Variants in TMTC2 observed in about 807,000 individuals in gnomAD.
TMTC2 encodes transmembrane O-mannosyltransferase targeting cadherins 2.
TMTC2 carries 43 observed loss-of-function variants against 82.4 expected under a neutral mutation model. The ratio of observed to expected loss-of-function variants is 0.52; its 90% CI spans 0.41 to 0.67. The LOEUF is 0.67. Among genes scored for constraint, TMTC2 ranks in the 30% least tolerant of loss-of-function variants. The pLI is 0.00. For missense variants in TMTC2, 919 were observed against 1,012.4 expected (o/e 0.91, Z 1.25); for synonymous variants, 408 against 381.9 (o/e 1.07, Z -0.80).
At position 83,095,272 on chromosome 12, in the gene TMTC2, G is replaced by T. The variant is rs143282895; in HGVS notation, c.2331+33441G>T. Among the ~76,000 whole-genome samples the T allele has an allele frequency of 1.1e-4, 17 of 148,346 alleles. No homozygotes were observed. In the East Asian group the frequency reaches 3.2e-3, roughly 28 times the overall value. Reference sequence around the variant, plus strand: ...TTTTGTTTTTTTGAGATGGAGTCTCGCTTTGTCGCCCAGGCTGGAGTGCAG... The same window carrying T: ...TTTTGTTTTTTTGAGATGGAGTCTCTCTTTGTCGCCCAGGCTGGAGTGCAG... On this transcript the variant is annotated intron_variant, in intron 11 of 11. Transcript: ENST00000321196.
intron 1 of TMTC2, among the ~76,000 whole-genome samples, chr12:82,843,460 T>G (rs185269694): frequency 1.3e-4 from 20 of 152,172 alleles, no homozygotes; most frequent in Non-Finnish European, 2.6e-4. Flanking sequence ...AAGAAGATCA[T>G]GAACCTGAGT....
chr12:82,858,700 G>T (rs1814617041), intron 2 of TMTC2, among the ~76,000 whole-genome samples: 1 of 148,384 alleles, frequency 6.7e-6, no homozygotes, highest in African/African-American at 2.5e-5. Flanking sequence ...CTTTTTCTCT[G>T]CTGGAAACCT....
intron 11 of TMTC2, among the ~76,000 whole-genome samples, chr12:83,115,729 G>A (rs1416508757): frequency 3.3e-5 from 5 of 152,024 alleles, no homozygotes; most frequent in African/African-American, 1.2e-4. Flanking sequence ...TGATTTGTGA[G>A]ATACTGGTGC....
intron 11 of TMTC2, among the ~76,000 whole-genome samples, chr12:83,104,671 T>G (rs1884337879): frequency 6.6e-6 from 1 of 152,180 alleles, no homozygotes; most frequent in Non-Finnish European, 1.5e-5. Flanking sequence ...CTTCCTAGAA[T>G]TATGAGCCTG....
rs187463049 is a variant in TMTC2 at position 83,027,802 on chromosome 12, C to T, written c.2071-2996C>T. ...TTTAAAAATTTGGTCCACTGAGCAA[C>T]AAGAGGGTACTGTCCTTTGAGTTTT... On this transcript the variant is annotated intron_variant, in intron 8 of 11. Transcript: ENST00000321196. Among the ~76,000 whole-genome samples, 4 of 152,260 alleles carry T rather than the reference C, an allele frequency of 2.6e-5. No homozygotes were observed. In the East Asian group the frequency reaches 5.8e-4, roughly 22 times the overall value.
intron 11 of TMTC2, among the ~76,000 whole-genome samples, chr12:83,087,884 C>A (rs1883715879): frequency 6.6e-6 from 1 of 152,198 alleles, no homozygotes; most frequent in Non-Finnish European, 1.5e-5. Context: ...AACTTAAGGT[C>A]ACCAGTTGCA....
intron 4 of TMTC2, among the ~76,000 whole-genome samples, chr12:82,950,033 T>G (rs1169461545): frequency 6.6e-6 from 1 of 152,140 alleles, no homozygotes; most frequent in Admixed American, 6.5e-5. Context: ...CTGAGATAAT[T>G]AAGAAGCAGT....
At chr12:82,836,646 A>G (rs868614437) in intron 1 of TMTC2, among the ~76,000 whole-genome samples, 10 of 152,354 alleles carry the variant, frequency 6.6e-5, no homozygotes, top group South Asian at 4.1e-4. Flanking sequence ...TATGACCTCC[A>G]GAATAGAAAT....
At chr12:82,941,227 A>G (rs990570159) in intron 4 of TMTC2, among the ~76,000 whole-genome samples, 5 of 152,044 alleles carry the variant, frequency 3.3e-5, no homozygotes, top group African/African-American at 1.2e-4. Context: ...GCCAGGCTAG[A>G]TTTGAACTGC....
intron 1 of TMTC2, among the ~76,000 whole-genome samples, chr12:82,801,016 T>C (rs1565756132): frequency 6.6e-6 from 1 of 152,162 alleles, no homozygotes. Flanking sequence ...TATTTATTTA[T>C]AAACCTTTTA....
At chr12:83,077,211 G>A (rs1327543749) in intron 11 of TMTC2, among the ~76,000 whole-genome samples, 2 of 152,186 alleles carry the variant, frequency 1.3e-5, no homozygotes, top group Non-Finnish European at 2.9e-5. Context: ...GGCATGTGCA[G>A]GAAGGACTGT....
In TMTC2 at chr12:83,132,555, CA is replaced by C. The variant is rs1269012058; in HGVS notation, c.*167del. On this transcript the variant is annotated 3_prime_UTR_variant, in exon 12 of 12. Coordinates refer to ENST00000321196, the MANE Select transcript of TMTC2 (RefSeq NM_152588.3). Reference sequence around the variant, plus strand: ...GGAAGAATCCACTTTGCTGTAGGCACAGCTGTTAACACCAAAAAGGGGAAAG... The same window carrying C: ...GGAAGAATCCACTTTGCTGTAGGCACGCTGTTAACACCAAAAAGGGGAAAG... 4.2e-6 allele frequency: 3 copies of C among 706,772 alleles called. No individual in the cohort carries two copies. Among genetic ancestry groups the C allele is most frequent in the Non-Finnish European group, 6.7e-6 (3 of 450,928 alleles). The allele number at this position is 706,772 out of a possible 1,614,324, so 43.8% of individuals were successfully genotyped here.
At chr12:83,054,453 A>G (rs1274300505) in intron 10 of TMTC2, among the ~76,000 whole-genome samples, 1 of 151,986 alleles carries the variant, frequency 6.6e-6, no homozygotes, top group Non-Finnish European at 1.5e-5. Context: ...TACTAAAAAC[A>G]TGAAAATGGT....
chr12:82,795,727 T>C (rs1878687651), intron 1 of TMTC2, among the ~76,000 whole-genome samples: 1 of 152,160 alleles, frequency 6.6e-6, no homozygotes, highest in Admixed American at 6.5e-5. Flanking sequence ...TTTCTCCCTT[T>C]CTGGGGATGC....
At chr12:82,891,763 G>A (rs1231540810) in intron 2 of TMTC2, among the ~76,000 whole-genome samples, 1 of 151,966 alleles carries the variant, frequency 6.6e-6, no homozygotes, top group African/African-American at 2.4e-5. Flanking sequence ...ATAGGTGAAC[G>A]TGTGTTTTGG....
At chr12:82,805,288 G>A (rs1044143627) in intron 1 of TMTC2, among the ~76,000 whole-genome samples, 2 of 152,066 alleles carry the variant, frequency 1.3e-5, no homozygotes, top group Non-Finnish European at 2.9e-5. Context: ...CAAATATTTA[G>A]GCTAAATTGT....
chr12:82,914,584 G>C (rs12810016), intron 3 of TMTC2, among the ~76,000 whole-genome samples: 7,888 of 151,946 alleles, frequency 0.052, 267 homozygotes, highest in Middle Eastern at 0.068. Context: ...TTATGTTTTT[G>C]TTGCCCTGGA....
intron 7 of TMTC2, among the ~76,000 whole-genome samples, chr12:82,975,896 T>A (rs1565835734): frequency 2.5e-4 from 7 of 27,572 alleles, no homozygotes; most frequent in African/African-American, 5.2e-4. Flanking sequence ...AAACTTTTTT[T>A]TAAAAAAAAA....
chr12:82,950,406 A>G (rs1877285013), intron 4 of TMTC2, among the ~76,000 whole-genome samples: 1 of 152,160 alleles, frequency 6.6e-6, no homozygotes, highest in African/African-American at 2.4e-5. Context: ...ATATATTCAA[A>G]AGGTAGGTAC....
Sources: allele counts gnomAD v4.1 joint callset (sites outside exome capture counted in the v4.1 genomes callset), GRCh38; gene constraint gnomAD v4.1.1; transcripts MANE v1.5; gene names NCBI Gene and HGNC (gene_info 2026-07-23, HGNC 2026-07-21).